Variants in HUNK observed in about 807,000 individuals in gnomAD.
HUNK encodes hormonally up-regulated Neu-associated kinase.
Under a neutral mutation model 61.0 loss-of-function variants are expected in HUNK, and 21 were observed. The observed-to-expected ratio is 0.34, with a 90% CI of 0.24 to 0.50. The LOEUF (loss-of-function observed/expected upper bound fraction) is 0.50. Ranked by LOEUF, HUNK falls within the 20% of genes least tolerant of loss-of-function variation. HUNK has a pLI of 0.98. For synonymous variants in HUNK, 371 were observed against 386.1 expected (o/e 0.96, Z 0.46); for missense variants, 772 against 945.7 (o/e 0.82, Z 2.41).
chr21:31,904,955 G>A (rs1010228864), intron 1 of HUNK, among the ~76,000 whole-genome samples: 7 of 151,986 alleles, frequency 4.6e-5, no homozygotes, highest in Non-Finnish European at 1.5e-5. Flanking sequence ...GTGCACACCT[G>A]TAATCCCAGC....
In HUNK at chr21:31,880,227, C is replaced by A. The variant is rs138845685; in HGVS notation, c.261+6292C>A. On this transcript the variant is annotated intron_variant, in intron 1 of 10. Coordinates refer to ENST00000270112, the MANE Select transcript of HUNK (RefSeq NM_014586.2). Reference sequence around the variant, plus strand: ...GGTGGAGGGGGTAACAGCCAGCTTGCTGGTGTTCTTGCCTGCCTTGATTAC... The same window carrying A: ...GGTGGAGGGGGTAACAGCCAGCTTGATGGTGTTCTTGCCTGCCTTGATTAC... Among the ~76,000 whole-genome samples, 926 of 152,304 alleles carry A rather than the reference C, an allele frequency of 6.1e-3. 4 individuals carry two copies. The highest frequency in any genetic ancestry group is 0.027 in the Middle Eastern group (8 of 294).
intron 6 of HUNK, among the ~76,000 whole-genome samples, chr21:31,973,404 G>T (rs929242456): frequency 4.7e-4 from 72 of 152,228 alleles, no homozygotes; most frequent in African/African-American, 1.7e-3. Flanking sequence ...AGAAGATGCG[G>T]TGTTTGGTTT....
intron 7 of HUNK, among the ~76,000 whole-genome samples, chr21:31,980,738 CTTG>C: frequency 6.6e-6 from 1 of 150,924 alleles, no homozygotes; most frequent in South Asian, 2.1e-4. Context: ...GAGTTTCATT[CTTG>C]TTGTCCAGGC....
intron 5 of HUNK, among the ~76,000 whole-genome samples, chr21:31,960,191 A>G (rs1416818118): frequency 6.6e-6 from 1 of 152,186 alleles, no homozygotes; most frequent in African/African-American, 2.4e-5. Context: ...TTGTGCACCA[A>G]TTATGTGCTA....
chr21:31,960,591 G>A (rs1412612699), intron 5 of HUNK, among the ~76,000 whole-genome samples: 1 of 151,504 alleles, frequency 6.6e-6, no homozygotes, highest in East Asian at 1.9e-4. Context: ...GTTCCACATG[G>A]CTGGGGAGGC....
intron 1 of HUNK, among the ~76,000 whole-genome samples, chr21:31,875,535 G>T (rs1024070869): frequency 0.14 from 8 of 58 alleles, no homozygotes; most frequent in Non-Finnish European, 0.2. Flanking sequence ...GTTCTAGTCC[G>T]CAGGAGCGAG....
At chr21:31,948,967 G>A (rs1411862755) in intron 4 of HUNK, among the ~76,000 whole-genome samples, 1 of 152,214 alleles carries the variant, frequency 6.6e-6, no homozygotes, top group African/African-American at 2.4e-5. Flanking sequence ...AACACGTCAG[G>A]AATCAGCTGC....
intron 1 of HUNK, among the ~76,000 whole-genome samples, chr21:31,914,485 C>T (rs1382901449): frequency 7.0e-6 from 1 of 142,816 alleles, no homozygotes; most frequent in East Asian, 2.2e-4. Context: ...TTTGTTCTTA[C>T]ATTTTTACTC....
intron 5 of HUNK, among the ~76,000 whole-genome samples, chr21:31,960,848 C>G (rs569258840): frequency 2.5e-4 from 38 of 152,074 alleles, no homozygotes; most frequent in Non-Finnish European, 4.4e-4. Context: ...AACCATATCA[C>G]CCAGTTTCCC....
intron 1 of HUNK, among the ~76,000 whole-genome samples, chr21:31,910,745 T>C (rs569157840): frequency 6.6e-6 from 1 of 152,288 alleles, no homozygotes; most frequent in Non-Finnish European, 1.5e-5. Context: ...TGCCTCTGCC[T>C]CCCAAAGTGC....
Position 31,999,291 on chromosome 21 carries a change from G to A in HUNK, c.*107G>A. 9.9e-7 allele frequency: 1 copy of A among 1,006,736 alleles called. No individual in the cohort carries two copies. Among genetic ancestry groups the A allele is most frequent in the Non-Finnish European group, 1.5e-6 (1 of 679,492 alleles). The allele number at this position is 1,006,736 out of a possible 1,614,324, so 62.4% of individuals were successfully genotyped here. The stretch of plus-strand genomic sequence containing the variant: ...CAAGGCCTCGCGTGGAGCATCCTTA[G>A]TCCCACCTGTAGCTGAATCCACAGA... On this transcript the variant is annotated 3_prime_UTR_variant, in exon 11 of 11. Coordinates refer to ENST00000270112, the MANE Select transcript of HUNK (RefSeq NM_014586.2).
Position 31,924,474 on chromosome 21 carries a change from A to T in HUNK, c.268A>T (p.Ile90Leu), listed in dbSNP as rs753357737. The change falls in exon 2 of 11, where the codon ATA becomes TTA. Residue 90 changes from isoleucine to leucine, a missense_variant. By Grantham distance (5) the Ile-to-Leu change is conservative (BLOSUM62 2). Transcript: ENST00000270112. This position sits in a 1 kb window ranked among gnomAD's most constrained non-coding sequence, Gnocchi z 5.1. ...LHVLTGEKVA[I>L]KVIDKKRAKK... ...GTTCTTGTTTTCTCCTTAGGTGGCC[A>T]TAAAAGTCATTGATAAGAAGAGAGC... The T allele has an allele frequency of 1.2e-6, 2 of 1,612,972 alleles. No individual in the cohort carries two copies. Among genetic ancestry groups the T allele is most frequent in the Admixed American group, 3.3e-5 (2 of 59,744 alleles).
intron 6 of HUNK, among the ~76,000 whole-genome samples, chr21:31,973,161 C>G (rs2053023834): frequency 1.3e-5 from 2 of 152,098 alleles, no homozygotes; most frequent in South Asian, 4.2e-4. Context: ...TTTTATTATA[C>G]TTTTTAATTT....
rs141564688 is a variant in HUNK, at chr21:31,951,824, A to G, written c.746+5653A>G. 9.3e-4 allele frequency among the ~76,000 whole-genome samples: 142 copies of G among 152,308 alleles called. 1 individual carries two copies. In the East Asian group the frequency reaches 0.021, roughly 23 times the overall value. ...CAGTGTTTTGTAAAAGTACTACCAGATATCATCAGCTACTGGCAGGGGTCA... is the reference window on the plus strand; with the variant it reads ...CAGTGTTTTGTAAAAGTACTACCAGGTATCATCAGCTACTGGCAGGGGTCA... On this transcript the variant is annotated intron_variant, in intron 4 of 10. Transcript: ENST00000270112.
chr21:31,905,313 T>A (rs557477499), intron 1 of HUNK, among the ~76,000 whole-genome samples: 2 of 152,208 alleles, frequency 1.3e-5, no homozygotes, highest in Non-Finnish European at 2.9e-5. Context: ...ACGTAACCAG[T>A]CCTGCTCACA....
intron 3 of HUNK, among the ~76,000 whole-genome samples, chr21:31,944,952 C>G (rs190059317): frequency 2.6e-5 from 4 of 152,316 alleles, no homozygotes; most frequent in African/African-American, 9.6e-5. Context: ...TTTCCTACAA[C>G]GTTCCTAATG....
At position 31,924,448 on chromosome 21, in the gene HUNK, T is replaced by G. The variant is rs1172918854; in HGVS notation, c.262-20T>G. The G allele has an allele frequency of 1.2e-6, 2 of 1,605,696 alleles. No homozygotes were observed. The highest frequency in any genetic ancestry group is 1.7e-5 in the Admixed American group (1 of 58,750). ...TGTCTGTAATGTCTGATAACAGGCA[T>G]GTTCTTGTTTTCTCCTTAGGTGGCC... On this transcript the variant is annotated intron_variant, in intron 1 of 10. Transcript: ENST00000270112. The surrounding 1 kb of genome is among the most constrained non-coding windows in gnomAD (Gnocchi z 5.1).
At chr21:31,889,274 A>T (rs1215318827) in intron 1 of HUNK, among the ~76,000 whole-genome samples, 3 of 152,238 alleles carry the variant, frequency 2.0e-5, no homozygotes, top group East Asian at 1.9e-4. Context: ...GAGAAAGGAC[A>T]TGAGAGGCAA....
intron 4 of HUNK, among the ~76,000 whole-genome samples, chr21:31,956,075 C>G (rs1056981303): frequency 2.0e-5 from 3 of 152,198 alleles, no homozygotes; most frequent in African/African-American, 4.8e-5. Flanking sequence ...AGGAGACTCT[C>G]AATCATGTCA....
Sources: gnomAD v4.1 joint callset for allele counts (sites outside exome capture counted in the v4.1 genomes callset) on GRCh38, gnomAD v4.1.1 for gene constraint, Gnocchi (gnomAD v3.1) non-coding constraint, MANE v1.5 for transcripts, NCBI Gene and HGNC (gene_info 2026-07-23, HGNC 2026-07-21) for gene names.